ZNF638: variants seen among roughly 807,000 people sequenced by gnomAD.
ZNF638 encodes CTCL tumor antigen se33-1.
ZNF638 carries 46 observed loss-of-function variants against 195.6 expected under a neutral mutation model. The ratio of observed to expected loss-of-function variants is 0.24; its 90% confidence interval spans 0.19 to 0.30. The LOEUF (loss-of-function observed/expected upper bound fraction) is 0.30. Among genes scored for constraint, ZNF638 ranks in the 10% least tolerant of loss-of-function variants. The pLI, the probability that ZNF638 is intolerant of heterozygous loss-of-function variation, is 1.00. For missense variants in ZNF638, 2,440 were observed against 2,325.3 expected (o/e 1.05, Z -1.01); for synonymous variants, 845 against 772.0 (o/e 1.09, Z -1.57).
At chr2:71,386,828 G>A (rs1324407251) in intron 10 of ZNF638, among the ~76,000 whole-genome samples, 1 of 152,002 alleles carries the variant, frequency 6.6e-6, no homozygotes. Flanking sequence ...TGGATAGAAA[G>A]CTTCACTGTT....
In ZNF638 at chr2:71,426,578, A is replaced by G. The variant is rs756170557; in HGVS notation, c.4709A>G (p.Lys1570Arg). 3 of 1,614,038 alleles carry G rather than the reference A, an allele frequency of 1.9e-6. No homozygotes were observed. Among genetic ancestry groups the G allele is most frequent in the Admixed American group, 1.7e-5 (1 of 60,014 alleles). ...PLKGKRKETL[K>R]NVPFSELNLK... Reference sequence around the variant, plus strand: ...AAGGGAAAAAGGAAAGAAACTCTCAAAAATGTTCCTTTCTCTGAACTTAAC... The same window carrying G: ...AAGGGAAAAAGGAAAGAAACTCTCAGAAATGTTCCTTTCTCTGAACTTAAC... The change falls in exon 24 of 28, where the codon AAA becomes AGA. Residue 1570 changes from lysine to arginine, a missense_variant. Transcript: ENST00000264447.
chr2:71,366,773 A>G (rs1269053351), intron 6 of ZNF638, among the ~76,000 whole-genome samples: 1 of 152,198 alleles, frequency 6.6e-6, no homozygotes, highest in African/African-American at 2.4e-5. Context: ...ACTCTGTTGT[A>G]CAGTGTAAAA....
At chr2:71,397,145 A>T (rs1183543752) in intron 11 of ZNF638, among the ~76,000 whole-genome samples, 1 of 152,186 alleles carries the variant, frequency 6.6e-6, no homozygotes, top group East Asian at 1.9e-4. Flanking sequence ...CTTTGATGTT[A>T]CTTTGATACC....
intron 8 of ZNF638, chr2:71,376,036 A>G (rs2079416300): frequency 6.6e-6 from 1 of 152,244 alleles, no homozygotes; most frequent in African/African-American, 2.4e-5. Flanking sequence ...AGGTAAGGAT[A>G]CATTTAAGGA....
chr2:71,424,360 A>G (rs2080492269), intron 22 of ZNF638, among the ~76,000 whole-genome samples: 1 of 152,082 alleles, frequency 6.6e-6, no homozygotes, highest in Admixed American at 6.6e-5. Context: ...TGAATGGGAA[A>G]CTGTTTCCTC....
chr2:71,407,227 G>A (rs1475127985), intron 19 of ZNF638: 1 of 152,070 alleles, frequency 6.6e-6, no homozygotes, highest in Non-Finnish European at 1.5e-5. Flanking sequence ...TAATTTCTTT[G>A]ATATGCTTCT....
chr2:71,351,275 C>T (rs970532674), intron 2 of ZNF638, among the ~76,000 whole-genome samples: 2 of 152,170 alleles, frequency 1.3e-5, no homozygotes, highest in Non-Finnish European at 2.9e-5. Flanking sequence ...TATTTACTCA[C>T]TAGGTTTTCG....
intron 14 of ZNF638, 24 bp downstream of exon 14, chr2:71,400,204 T>C (rs1271192597): frequency 6.4e-7 from 1 of 1,573,794 alleles, no homozygotes; most frequent in Non-Finnish European, 8.7e-7. Context: ...AATTTTATTT[T>C]GTTCTTTACT....
chr2:71,391,934 C>A (rs898128358), intron 10 of ZNF638, among the ~76,000 whole-genome samples: 1 of 152,116 alleles, frequency 6.6e-6, no homozygotes, highest in Non-Finnish European at 1.5e-5. Context: ...GCTAAACACT[C>A]CTCTACAGGA....
chr2:71,399,742 A>T (rs1332015714), intron 13 of ZNF638, 97 bp downstream of exon 13: 13 of 917,436 alleles, frequency 1.4e-5, no homozygotes, highest in Admixed American at 4.8e-5. Context: ...TACATAGGTA[A>T]ACGTGTCATG....
intron 10 of ZNF638, 174 bp from the exon 11 acceptor site, chr2:71,395,967 C>G: frequency 3.1e-6 from 2 of 641,024 alleles, no homozygotes; most frequent in South Asian, 1.8e-5. Flanking sequence ...CCTTTTGATA[C>G]ATCAAGTCCA....
Position 71,348,782 on chromosome 2 carries a change from C to G in ZNF638, c.-173C>G, listed in dbSNP as rs775632167. The G allele has an allele frequency of 6.4e-7, 1 of 1,550,662 alleles. No homozygotes were observed. Among genetic ancestry groups the G allele is most frequent in the Non-Finnish European group, 8.7e-7 (1 of 1,152,956 alleles). On this transcript the variant is annotated 5_prime_UTR_variant, in exon 2 of 28. Transcript: ENST00000264447. Reference sequence around the variant, plus strand: ...GTGTTATTCTTGGAAAATTTCGCACCACTTGTGAATTCCTTGAACCTGGGC... The same window carrying G: ...GTGTTATTCTTGGAAAATTTCGCACGACTTGTGAATTCCTTGAACCTGGGC...
At chr2:71,421,015 G>A (rs921811297) in intron 21 of ZNF638, among the ~76,000 whole-genome samples, 1 of 152,154 alleles carries the variant, frequency 6.6e-6, no homozygotes, top group South Asian at 2.1e-4. Flanking sequence ...AAAAACTTGT[G>A]AAGGGGAAAG....
At chr2:71,387,709 A>G (rs139315395) in intron 10 of ZNF638, among the ~76,000 whole-genome samples, 2 of 152,294 alleles carry the variant, frequency 1.3e-5, no homozygotes, top group African/African-American at 2.4e-5. Flanking sequence ...AGTTGGATCA[A>G]AGATTTACTA....
At chr2:71,410,177 G>T (rs1175023489) in intron 20 of ZNF638, among the ~76,000 whole-genome samples, 3 of 152,068 alleles carry the variant, frequency 2.0e-5, no homozygotes, top group African/African-American at 7.2e-5. Context: ...AAACTAGTTT[G>T]TTTTTCTGTT....
intron 26 of ZNF638, among the ~76,000 whole-genome samples, chr2:71,432,008 A>G (rs1238372117): frequency 1.3e-5 from 2 of 152,086 alleles, no homozygotes; most frequent in African/African-American, 4.8e-5. Context: ...ATTGAGTTAT[A>G]TTTGCCCAGG....
chr2:71,341,967 C>T (rs948042319), intron 1 of ZNF638: 3 of 152,090 alleles, frequency 2.0e-5, no homozygotes, highest in African/African-American at 4.8e-5. Flanking sequence ...TTAGAGGTTT[C>T]TTACCAAGAT....
At chr2:71,338,430 C>G (rs1379952047) in intron 1 of ZNF638, among the ~76,000 whole-genome samples, 1 of 152,150 alleles carries the variant, frequency 6.6e-6, no homozygotes, top group Non-Finnish European at 1.5e-5. Flanking sequence ...CTTGCTTTCT[C>G]CTATTTCCTA....
chr2:71,398,964 C>CAT (rs939238010), intron 12 of ZNF638, among the ~76,000 whole-genome samples, 192 bp downstream of exon 12: 2 of 152,110 alleles, frequency 1.3e-5, no homozygotes, highest in African/African-American at 4.8e-5. Flanking sequence ...TAAACAATCA[C>CAT]ATATATATAA....
Sources: gnomAD v4.1 joint callset for allele counts (sites outside exome capture counted in the v4.1 genomes callset) on GRCh38, gnomAD v4.1.1 for gene constraint, MANE v1.5 for transcripts, NCBI Gene and HGNC (gene_info 2026-07-23, HGNC 2026-07-21) for gene names.